Variants in FAM83G observed in about 807,000 individuals in gnomAD.
FAM83G encodes protein FAM83G.
Under a neutral mutation model 61.5 loss-of-function variants are expected in FAM83G, and 38 were observed. The ratio of observed to expected loss-of-function variants is 0.62; its 90% CI spans 0.48 to 0.81. The LOEUF is 0.81. FAM83G is among the 30% of genes least tolerant of loss of function. The pLI is 0.00. For missense variants in FAM83G, 989 were observed against 1,133.6 expected (o/e 0.87, Z 1.83); for synonymous variants, 470 against 476.1 (o/e 0.99, Z 0.17).
chr17:18,972,147 G>A, intron 5 of FAM83G, among the ~76,000 whole-genome samples: 1 of 152,192 alleles, frequency 6.6e-6, no homozygotes, highest in Non-Finnish European at 1.5e-5. Flanking sequence ...GACCTCAGAT[G>A]AGCTGCTTCC....
chr17:18,978,366 G>C lies in FAM83G; in HGVS notation c.1300C>G (p.Pro434Ala), dbSNP rs1237893589. The C allele has an allele frequency of 1.9e-6, 3 of 1,595,988 alleles. No homozygotes were observed. The South Asian group carries it at 3.4e-5, about 18-fold the overall frequency. ...CTGGGCTGGGGGTTCCAGATGTTGG[G>C]GTCGATGATATTGATGTAGCCCAGG... ...DILGYINIID[P>A]NIWNPQPSQM... The change falls in exon 5 of 6, where the codon CCC (proline) becomes GCC (alanine). Residue 434 changes from proline to alanine, a missense_variant. This residue lies in a region of FAM83G where 574 missense variants were observed against 645.1 expected (regional missense o/e 0.89). Transcript: ENST00000388995.
chr17:18,977,584 C>T lies in FAM83G; in HGVS notation c.2082G>A (p.Gln694=). ...CTGGTGTGCAGGGACCCTGACCCAC[C>T]TGTGCCTCCTTGTCTGTGGAGCGCT... The part of the protein sequence containing the change: ...QAQRSTDKEA[Q]GQQFHHHRVP... The change falls in exon 5 of 6, where the codon CAG becomes CAA. Residue 694 remains glutamine (Q), a splice_region_variant and synonymous_variant. Coordinates refer to ENST00000388995, the MANE Select transcript of FAM83G (RefSeq NM_001039999.3). The T allele has an allele frequency of 6.2e-7, 1 of 1,607,240 alleles. No individual in the cohort carries two copies. Among genetic ancestry groups the T allele is most frequent in the Non-Finnish European group, 8.5e-7 (1 of 1,179,344 alleles).
chr17:18,998,300 C>G (rs1035947222), intron 2 of FAM83G, among the ~76,000 whole-genome samples: 2 of 152,246 alleles, frequency 1.3e-5, no homozygotes, highest in African/African-American at 4.8e-5. Context: ...GGCCTGATCC[C>G]CATTTTACAA....
At chr17:18,991,589 G>GGTCC (rs1408213794) in intron 2 of FAM83G, among the ~76,000 whole-genome samples, 2 of 152,176 alleles carry the variant, frequency 1.3e-5, no homozygotes, top group Non-Finnish European at 2.9e-5. Context: ...GGGTGGCCTG[G>GGTCC]GTCCCATCAC....
In FAM83G at chr17:18,971,424, T is replaced by C; in HGVS notation, c.2407A>G (p.Ser803Gly). The C allele has an allele frequency of 6.2e-7, 1 of 1,613,832 alleles. No individual in the cohort carries two copies. The change falls in exon 6 of 6, where the codon AGC becomes GGC. Residue 803 changes from serine (S) to glycine (G), a missense_variant. Physicochemically the swap from Ser to Gly is moderately conservative, Grantham distance 56. Transcript: ENST00000388995. The surrounding 1 kb of genome is among the most constrained non-coding windows in gnomAD (Gnocchi z 5.5). Reference protein sequence around the residue: ...SKHLKARTGGSQWASSDSKRR... With the variant: ...SKHLKARTGGGQWASSDSKRR... ...TTAGAATCCGATGAGGCCCACTGGC[T>C]ACCGCCCGTCCTGGCCTTTAGGTGC... is the stretch of plus-strand genomic sequence containing the variant.
chr17:18,970,727 C>G lies in FAM83G; in HGVS notation c.*632G>C. The G allele has an allele frequency of 2.1e-6, 1 of 466,892 alleles. No individual in the cohort carries two copies. The highest frequency in any genetic ancestry group is 3.9e-5 in the East Asian group (1 of 25,548). 28.9% of individuals were successfully genotyped at this position (466,892 alleles called of 1,614,324 possible). On this transcript the variant is annotated 3_prime_UTR_variant, in exon 6 of 6. Coordinates refer to ENST00000388995, the MANE Select transcript of FAM83G (RefSeq NM_001039999.3). ...CCCAAGGCCGATGAGTGTCCAGAGGCCAACAGTGACTCCTGCTGGGCCAGC... is the reference window on the plus strand; with the variant it reads ...CCCAAGGCCGATGAGTGTCCAGAGGGCAACAGTGACTCCTGCTGGGCCAGC...
At chr17:18,993,737 A>G (rs905002166) in intron 2 of FAM83G, among the ~76,000 whole-genome samples, 2 of 152,152 alleles carry the variant, frequency 1.3e-5, no homozygotes, top group Non-Finnish European at 2.9e-5. Context: ...GTTATTCTCC[A>G]GGTCTGATGG....
At chr17:18,980,802 C>T (rs955666381) in intron 3 of FAM83G, among the ~76,000 whole-genome samples, 2 of 152,110 alleles carry the variant, frequency 1.3e-5, no homozygotes, top group Non-Finnish European at 2.9e-5. Context: ...AAGAAATGCT[C>T]CTGGGTGCCC....
intron 5 of FAM83G, chr17:18,977,238 C>T (rs556274712): frequency 2.7e-5 from 16 of 601,650 alleles, no homozygotes; most frequent in Middle Eastern, 4.5e-4. Flanking sequence ...TCCCTGTGCC[C>T]CGCCTTTTCC....
chr17:18,971,338 G>C lies in FAM83G; in HGVS notation c.*21C>G. On this transcript the variant is annotated 3_prime_UTR_variant, in exon 6 of 6. Coordinates refer to ENST00000388995, the MANE Select transcript of FAM83G (RefSeq NM_001039999.3). This position sits in a 1 kb window ranked among gnomAD's most constrained non-coding sequence, Gnocchi z 5.5. ...CTGGGCTGGGGCCTCAGAAGGTGTG[G>C]CTCCAGGCTGGGACATGCTGCTAGG... The C allele has an allele frequency of 1.9e-6, 3 of 1,605,430 alleles. No individual in the cohort carries two copies. The highest frequency in any genetic ancestry group is 2.6e-6 in the Non-Finnish European group (3 of 1,175,462).
chr17:18,969,458 C>T lies in FAM83G; in HGVS notation c.*1901G>A. ...AGTCTGTGGCCATGGCGGGGCTGTC[C>T]CCACAGCGAGCCCTTTGGAGTCTGG... On this transcript the variant is annotated 3_prime_UTR_variant, in exon 6 of 6. Coordinates refer to ENST00000388995, the MANE Select transcript of FAM83G (RefSeq NM_001039999.3). 1 of 1,590,378 alleles carries T rather than the reference C, an allele frequency of 6.3e-7. No individual in the cohort carries two copies. The highest frequency in any genetic ancestry group is 8.6e-7 in the Non-Finnish European group (1 of 1,160,126).
At chr17:18,997,316 T>C (rs1023287848) in intron 2 of FAM83G, among the ~76,000 whole-genome samples, 2 of 152,194 alleles carry the variant, frequency 1.3e-5, no homozygotes, top group Non-Finnish European at 2.9e-5. Context: ...CTGGCAGAGC[T>C]TGGGGAAAGG....
intron 5 of FAM83G, among the ~76,000 whole-genome samples, chr17:18,973,884 G>GTTTTTT (rs35778801): frequency 1.0e-5 from 1 of 95,740 alleles, no homozygotes; most frequent in Non-Finnish European, 2.0e-5. Flanking sequence ...TTTTTTTTAA[G>GTTTTTT]TTTTTTTTTT....
rs1272155340 is a variant in FAM83G at position 18,969,279 on chromosome 17, C to A, written c.*2080G>T. The A allele has an allele frequency of 1.3e-6, 2 of 1,586,190 alleles. No homozygotes were observed. Among genetic ancestry groups the A allele is most frequent in the African/African-American group, 2.7e-5 (2 of 74,436 alleles). The stretch of plus-strand genomic sequence containing the variant: ...GGCCCCAGCAGGAGCCCCAGAAGTT[C>A]CTCCCCGTGTCCCTCCTCCCTGGGG... On this transcript the variant is annotated 3_prime_UTR_variant, in exon 6 of 6. Transcript: ENST00000388995.
At chr17:19,002,210 C>G (rs2043748256) in intron 2 of FAM83G, among the ~76,000 whole-genome samples, 1 of 152,232 alleles carries the variant, frequency 6.6e-6, no homozygotes, top group Admixed American at 6.5e-5. Context: ...TTATCCACAC[C>G]ACCTCCATCT....
chr17:18,985,059 G>A (rs2043235401), intron 3 of FAM83G, among the ~76,000 whole-genome samples: 1 of 152,206 alleles, frequency 6.6e-6, no homozygotes, highest in African/African-American at 2.4e-5. Flanking sequence ...AAGCTCAGGA[G>A]GAAGGAGCCG....
chr17:18,998,748 C>A (rs150751100), intron 2 of FAM83G, among the ~76,000 whole-genome samples: 1 of 152,356 alleles, frequency 6.6e-6, no homozygotes, highest in African/African-American at 2.4e-5. Flanking sequence ...GATGGTTCCC[C>A]ACCCACTCTC....
intron 4 of FAM83G, 23 bp downstream of exon 4, chr17:18,979,526 T>C (rs759107891): frequency 1.8e-5 from 29 of 1,611,450 alleles, no homozygotes; most frequent in Non-Finnish European, 2.5e-5. Context: ...CTCGCACAAC[T>C]TCCCTGAAAG....
At chr17:18,991,157 C>G (rs1006008294) in intron 2 of FAM83G, among the ~76,000 whole-genome samples, 2 of 152,224 alleles carry the variant, frequency 1.3e-5, no homozygotes, top group Non-Finnish European at 2.9e-5. Flanking sequence ...GTTGGGAGGC[C>G]CAGCTCACTT....
Sources: allele counts gnomAD v4.1 joint callset (sites outside exome capture counted in the v4.1 genomes callset), GRCh38; gene constraint gnomAD v4.1.1; regional missense constraint gnomAD v4.1.1; non-coding constraint Gnocchi (gnomAD v3.1); transcripts MANE v1.5; gene names NCBI Gene and HGNC (gene_info 2026-07-23, HGNC 2026-07-21).